The following DOK7 variants were observed in gnomAD, a reference collection of about 807,000 sequenced individuals.
The protein encoded by DOK7 is docking protein 7.
In DOK7, 32 loss-of-function variants were observed where a neutral mutation model predicts 30.7. The observed-to-expected ratio is 1.04, with a 90% CI of 0.79 to 1.40. The LOEUF is 1.40. Ranked by LOEUF, DOK7 falls within the 40% of genes most tolerant of loss-of-function variation. DOK7 has a pLI of 0.00. For synonymous variants in DOK7, 447 were observed against 324.1 expected (o/e 1.38, Z -4.07); for missense variants, 1,007 against 699.2 (o/e 1.44, Z -4.97).
chr4:3,492,909 G>T lies in DOK7; in HGVS notation c.923G>T (p.Gly308Val), dbSNP rs1255637713. The change falls in exon 7 of 7, where the codon GGG becomes GTG. Residue 308 changes from glycine (G) to valine (V), a missense_variant. Gly to Val is a moderately radical substitution (Grantham distance 109). Coordinates refer to ENST00000340083, the MANE Select transcript of DOK7 (RefSeq NM_173660.5). ...GPRPAAAQAA[G>V]EAMVGASRPP... The stretch of plus-strand genomic sequence containing the variant: ...AGACCAGCAGCTGCCCAGGCCGCCG[G>T]GGAAGCCATGGTGGGTGCCTCAAGG... 1 of 1,572,956 alleles carries T rather than the reference G, an allele frequency of 6.4e-7. No individual in the cohort carries two copies. Among genetic ancestry groups the T allele is most frequent in the Non-Finnish European group, 8.6e-7 (1 of 1,162,464 alleles).
chr4:3,484,416 C>T, intron 4 of DOK7: 11 of 869,244 alleles, frequency 1.3e-5, no homozygotes, highest in Admixed American at 6.2e-5. Flanking sequence ...CCAACTCCTG[C>T]CCACCCCGGC....
In DOK7 at chr4:3,493,558, G is replaced by A. The variant is rs1171889835; in HGVS notation, c.*57G>A. The A allele has an allele frequency of 6.3e-7, 1 of 1,582,616 alleles. No individual in the cohort carries two copies. Among genetic ancestry groups the A allele is most frequent in the Non-Finnish European group, 8.6e-7 (1 of 1,164,336 alleles). On this transcript the variant is annotated 3_prime_UTR_variant, in exon 7 of 7. Transcript: ENST00000340083. Reference sequence around the variant, plus strand: ...GGGCTGAATTTGCCCCCAGATGGCAGAGGAAGTGGCGCCAGCCTCCTTGCA... The same window carrying A: ...GGGCTGAATTTGCCCCCAGATGGCAAAGGAAGTGGCGCCAGCCTCCTTGCA...
At chr4:3,466,942 T>C (rs114802548) in intron 2 of DOK7, among the ~76,000 whole-genome samples, 417 of 152,274 alleles carry the variant, frequency 2.7e-3, no homozygotes, top group Non-Finnish European at 5.2e-3. Context: ...CACTGGATCT[T>C]GGTCTCGTGT....
At chr4:3,490,406 CA>C (rs1313265337) in intron 6 of DOK7, among the ~76,000 whole-genome samples, 1 of 8,840 alleles carries the variant, frequency 1.1e-4, no homozygotes, top group African/African-American at 4.8e-4. Flanking sequence ...GTCCTTCTTT[CA>C]CCCCCCCCAC....
At chr4:3,485,513 G>C (rs1433323586) in intron 4 of DOK7, 26 bp from the exon 5 acceptor site, 2 of 1,569,026 alleles carry the variant, frequency 1.3e-6, no homozygotes. Context: ...GGGCCAGACT[G>C]ACCTGTCTCT....
intron 6 of DOK7, among the ~76,000 whole-genome samples, chr4:3,490,951 CTTCTCCCCCTGCTCATTTCTTCA>C (rs1728344329): frequency 6.9e-6 from 1 of 145,750 alleles, no homozygotes; most frequent in African/African-American, 2.6e-5. Flanking sequence ...TCATTCATTC[CTTCTCCCCCTGCTCATTTCTTCA>C]TTTCCCTCCT....
intron 3 of DOK7, among the ~76,000 whole-genome samples, chr4:3,474,122 C>A (rs1272972880): frequency 6.6e-6 from 1 of 152,180 alleles, no homozygotes; most frequent in African/African-American, 2.4e-5. Context: ...GAACGTCAGT[C>A]CCAGCCCTGC....
At chr4:3,490,970 C>G (rs1460113707) in intron 6 of DOK7, among the ~76,000 whole-genome samples, 1 of 116,472 alleles carries the variant, frequency 8.6e-6, no homozygotes, top group Middle Eastern at 7.4e-3. Flanking sequence ...CTGCTCATTT[C>G]TTCATTTCCC....
At chr4:3,476,566 C>T (rs751406053) in intron 4 of DOK7, 24 bp downstream of exon 4, 1 of 1,613,202 alleles carries the variant, frequency 6.2e-7, no homozygotes, top group Non-Finnish European at 8.5e-7. Context: ...TGTGGGGTCA[C>T]TGGGCAGCAG....
At chr4:3,482,971 C>T (rs776220807) in intron 4 of DOK7, among the ~76,000 whole-genome samples, 1 of 151,726 alleles carries the variant, frequency 6.6e-6, no homozygotes, top group Non-Finnish European at 1.5e-5. Flanking sequence ...GGTCAGGGGA[C>T]TGAAGGGGGC....
chr4:3,500,115 C>G (rs1476225162), intron 6 of DOK7: 4 of 1,063,196 alleles, frequency 3.8e-6, no homozygotes, highest in Admixed American at 2.5e-5. Context: ...GAACATGGAG[C>G]GGGAACTTCC....
intron 4 of DOK7, among the ~76,000 whole-genome samples, chr4:3,481,158 A>AATT (rs1440125577): frequency 6.6e-6 from 1 of 151,590 alleles, no homozygotes; most frequent in Admixed American, 6.6e-5. Context: ...AGAGCTGGCT[A>AATT]ATTGGACCAG....
intron 4 of DOK7, among the ~76,000 whole-genome samples, chr4:3,477,998 T>C (rs1727206337): frequency 6.6e-6 from 1 of 152,102 alleles, no homozygotes; most frequent in African/African-American, 2.4e-5. Context: ...AGCGTCCCTG[T>C]CCTTTGTCGT....
intron 4 of DOK7, among the ~76,000 whole-genome samples, chr4:3,481,776 A>G (rs1254209976): frequency 6.6e-6 from 1 of 152,334 alleles, no homozygotes; most frequent in East Asian, 1.9e-4. Context: ...AAGAATATTC[A>G]GATGGAAACC....
chr4:3,490,566 T>A (rs1441114582), intron 6 of DOK7, among the ~76,000 whole-genome samples: 1 of 107,832 alleles, frequency 9.3e-6, no homozygotes, highest in Admixed American at 1.1e-4. Flanking sequence ...GCTCATTCGT[T>A]TTTTCCTTCT....
intron 2 of DOK7, among the ~76,000 whole-genome samples, chr4:3,469,287 C>T (rs1028709384): frequency 5.9e-5 from 9 of 152,112 alleles, no homozygotes; most frequent in Admixed American, 5.9e-4. Context: ...GCCTCTTCCT[C>T]GTTTGTCTCC....
intron 6 of DOK7, among the ~76,000 whole-genome samples, chr4:3,500,099 G>A (rs1487009896): frequency 6.6e-5 from 10 of 151,984 alleles, no homozygotes; most frequent in African/African-American, 1.7e-4. Context: ...AAAGATGGAC[G>A]GTCAGGAACA....
chr4:3,490,318 CTTG>C (rs1728195029), intron 6 of DOK7, among the ~76,000 whole-genome samples: 1 of 101,728 alleles, frequency 9.8e-6, no homozygotes, highest in Non-Finnish European at 2.0e-5. Context: ...CCGGCTCATT[CTTG>C]CCTTACCTCC....
intron 5 of DOK7, among the ~76,000 whole-genome samples, chr4:3,488,340 C>T (rs564203676): frequency 6.6e-6 from 1 of 152,348 alleles, no homozygotes; most frequent in South Asian, 2.1e-4. Flanking sequence ...GATGGGGTCT[C>T]CTGTAGTGAG....
Sources: allele counts gnomAD v4.1 joint callset (sites outside exome capture counted in the v4.1 genomes callset), GRCh38; gene constraint gnomAD v4.1.1; transcripts MANE v1.5; gene names NCBI Gene and HGNC (gene_info 2026-07-23, HGNC 2026-07-21).